CBFA2T3: variants seen among roughly 807,000 people sequenced by gnomAD.
CBFA2T3 encodes the protein CBFA2/RUNX1 partner transcriptional co-repressor 3, also known as transcriptional corepressor CBFA2T3.
A neutral mutation model predicts 58.6 loss-of-function variants in CBFA2T3; 31 were observed. That is an observed-to-expected ratio of 0.53 (90% confidence interval 0.40 to 0.71). The LOEUF is 0.71. Ranked by LOEUF, CBFA2T3 falls within the 30% of genes least tolerant of loss-of-function variation. The pLI, the probability that CBFA2T3 is intolerant of heterozygous loss-of-function variation, is 0.00. For missense variants in CBFA2T3, 1,076 were observed against 963.1 expected, an observed-to-expected ratio of 1.12 and a Z score of -1.55; for synonymous variants, 531 against 421.9, an observed-to-expected ratio of 1.26 and a Z score of -3.17.
chr16:88,966,239 G>C (rs977316832), intron 1 of CBFA2T3, among the ~76,000 whole-genome samples: 7 of 152,224 alleles, frequency 4.6e-5, no homozygotes, highest in Admixed American at 3.9e-4. Flanking sequence ...AACACATCTT[G>C]GCCACATTAG....
Position 88,892,326 on chromosome 16 carries a change from A to C in CBFA2T3, c.539T>G (p.Phe180Cys). 6.2e-7 allele frequency: 1 copy of C among 1,613,180 alleles called. No individual in the cohort carries two copies. The highest frequency in any genetic ancestry group is 8.5e-7 in the Non-Finnish European group (1 of 1,179,964). ...GCCAAACTGCTGCAGTGTGGTGAGGAAGCGCTTGAGCTTGCTGAGCTGCCG... is the reference window on the plus strand; with the variant it reads ...GCCAAACTGCTGCAGTGTGGTGAGGCAGCGCTTGAGCTTGCTGAGCTGCCG... ...GARQLSKLKR[F>C]LTTLQQFGSD... The change falls in exon 4 of 12, where the codon TTC becomes TGC. Residue 180 changes from phenylalanine (F) to cysteine (C), a missense_variant. Transcript: ENST00000268679.
At chr16:88,942,132 C>T (rs921104134) in intron 1 of CBFA2T3, among the ~76,000 whole-genome samples, 1 of 152,158 alleles carries the variant, frequency 6.6e-6, no homozygotes, top group Non-Finnish European at 1.5e-5. Flanking sequence ...GCAGAAACGC[C>T]CCGAGCCGCT....
intron 7 of CBFA2T3, chr16:88,884,484 G>T (rs917794341): frequency 6.6e-6 from 1 of 152,418 alleles, no homozygotes; most frequent in Non-Finnish European, 1.5e-5. Flanking sequence ...TCTGTGGTAT[G>T]GGGGTGCTGA....
chr16:88,882,822 C>T (rs1969183749), intron 7 of CBFA2T3, 61 bp from the exon 8 acceptor site: 4 of 1,145,732 alleles, frequency 3.5e-6, no homozygotes, highest in South Asian at 1.3e-5. Flanking sequence ...CCCTATTCTC[C>T]CAGACCCCGC....
rs868650146 is a variant in CBFA2T3, at chr16:88,975,252, A to G, written c.151+1405T>C. Among the ~76,000 whole-genome samples the G allele has an allele frequency of 1.9e-3, 245 of 126,862 alleles. 2 individuals carry two copies. In the South Asian group the frequency reaches 0.027, roughly 14 times the overall value. 83.2% of individuals were successfully genotyped at this position (126,862 alleles called of 152,430 possible). ...GCAGCCATGTCAGAGGCCCGCCCTG[A>G]CCCTCTGTTTCATGCCTCTAGCCAG... is the stretch of plus-strand genomic sequence containing the variant. On this transcript the variant is annotated intron_variant, in intron 1 of 11. Transcript: ENST00000268679.
intron 3 of CBFA2T3, among the ~76,000 whole-genome samples, chr16:88,895,847 G>A (rs1483903020): frequency 6.6e-6 from 1 of 152,202 alleles, no homozygotes; most frequent in African/African-American, 2.4e-5. Context: ...AGGACCGGCC[G>A]CCAGGCCCAG....
chr16:88,893,612 T>G (rs1390812639), intron 3 of CBFA2T3, among the ~76,000 whole-genome samples: 1 of 152,058 alleles, frequency 6.6e-6, no homozygotes, highest in East Asian at 1.9e-4. Flanking sequence ...CCAGTGCATG[T>G]TGAGGACAAG....
At chr16:88,948,567 G>A (rs1005959249) in intron 1 of CBFA2T3, among the ~76,000 whole-genome samples, 4 of 152,214 alleles carry the variant, frequency 2.6e-5, no homozygotes, top group African/African-American at 7.2e-5. Context: ...TCCGGGCTCC[G>A]GACAGGAGGC....
chr16:88,905,550 G>A (rs1275347919), intron 1 of CBFA2T3, among the ~76,000 whole-genome samples: 1 of 151,696 alleles, frequency 6.6e-6, no homozygotes, highest in African/African-American at 2.4e-5. Context: ...GCCTTCAAAG[G>A]AAGGCCCCCA....
chr16:88,926,543 G>A (rs1002756602), intron 1 of CBFA2T3, among the ~76,000 whole-genome samples: 1 of 152,230 alleles, frequency 6.6e-6, no homozygotes, highest in Non-Finnish European at 1.5e-5. Flanking sequence ...TGACACAGAG[G>A]TTTGTCATGC....
chr16:88,971,508 G>C (rs936470993), intron 1 of CBFA2T3, among the ~76,000 whole-genome samples: 10 of 151,986 alleles, frequency 6.6e-5, no homozygotes, highest in African/African-American at 2.4e-4. Flanking sequence ...GAAGCCCCTC[G>C]GTGGGGTCCC....
At chr16:88,905,188 C>T (rs879391623) in intron 1 of CBFA2T3, among the ~76,000 whole-genome samples, 14 of 152,018 alleles carry the variant, frequency 9.2e-5, no homozygotes, top group Admixed American at 1.3e-4. Context: ...CAGCTGGCGC[C>T]GTCTCTGGGG....
intron 1 of CBFA2T3, among the ~76,000 whole-genome samples, chr16:88,943,150 G>A (rs960363452): frequency 2.0e-5 from 3 of 152,230 alleles, no homozygotes; most frequent in Non-Finnish European, 2.9e-5. Flanking sequence ...CAACATAAAC[G>A]TGGGAGTGGG....
chr16:88,879,224 G>T (rs1320990943), intron 11 of CBFA2T3, 46 bp downstream of exon 11: 2 of 1,521,898 alleles, frequency 1.3e-6, no homozygotes, highest in South Asian at 2.4e-5. Flanking sequence ...GGACCGCACG[G>T]GAGCCGAGGC....
intron 1 of CBFA2T3, among the ~76,000 whole-genome samples, chr16:88,920,330 G>A (rs1230804523): frequency 1.3e-5 from 2 of 152,204 alleles, no homozygotes; most frequent in African/African-American, 2.4e-5. Flanking sequence ...AGGCTGAAGT[G>A]CAGAGGCATG....
intron 1 of CBFA2T3, among the ~76,000 whole-genome samples, chr16:88,944,487 G>A (rs1205050368): frequency 1.3e-5 from 2 of 152,156 alleles, no homozygotes; most frequent in Non-Finnish European, 1.5e-5. Context: ...TAGGGCCCGC[G>A]GCGCACAGCG....
rs1296409091 is a variant in CBFA2T3 at position 88,920,178 on chromosome 16, G to A, written c.152-18522C>T. 4.6e-5 allele frequency among the ~76,000 whole-genome samples: 7 copies of A among 152,214 alleles called. No individual in the cohort carries two copies. The East Asian group carries it at 1.2e-3, about 25-fold the overall frequency. ...AGCTGACCAGTGAAGCTTGTGCAAC[G>A]GTGGAATGTTCTAGGCCCATGCACT... On this transcript the variant is annotated intron_variant, in intron 1 of 11. Transcript: ENST00000268679.
chr16:88,940,136 T>C (rs1337125760), intron 1 of CBFA2T3: 1 of 153,928 alleles, frequency 6.5e-6, no homozygotes, highest in African/African-American at 2.4e-5. Context: ...AAGGGAAAGG[T>C]TTTTCTTCCT....
chr16:88,881,616 A>G, intron 8 of CBFA2T3, 127 bp from the exon 9 acceptor site: 1 of 936,842 alleles, frequency 1.1e-6, no homozygotes, highest in Non-Finnish European at 1.6e-6. Flanking sequence ...CGTGAGAGTA[A>G]GGGGGTGAGG....
Sources: allele counts gnomAD v4.1 joint callset (sites outside exome capture counted in the v4.1 genomes callset), GRCh38; gene constraint gnomAD v4.1.1; transcripts MANE v1.5; gene names NCBI Gene and HGNC (gene_info 2026-07-23, HGNC 2026-07-21).